Variants in MBNL1 observed in about 807,000 individuals in gnomAD.
MBNL1 encodes muscleblind-like protein 1.
MBNL1 carries 8 observed loss-of-function variants against 42.2 expected under a neutral mutation model. That is an observed-to-expected ratio of 0.19 (90% CI 0.11 to 0.34). MBNL1 has a LOEUF of 0.34. Among genes scored for constraint, MBNL1 ranks in the 10% least tolerant of loss-of-function variants. The pLI is 1.00. For missense variants in MBNL1, 309 were observed against 495.3 expected, an observed-to-expected ratio of 0.62 and a Z score of 3.57; for synonymous variants, 169 against 173.9, an observed-to-expected ratio of 0.97 and a Z score of 0.22.
rs9820183 is a variant in MBNL1, at chr3:152,376,803, C to T, written c.175-38138C>T. ...ATATACGCACACACACACGTGCATG[C>T]GCACACACACACATACACACACACA... On this transcript the variant is annotated intron_variant, in intron 2 of 9. Coordinates refer to ENST00000324210, the MANE Select transcript of MBNL1 (RefSeq NM_021038.5). Among the ~76,000 whole-genome samples the T allele has an allele frequency of 3.4e-3, 524 of 152,184 alleles. 1 individual carries two copies. Among genetic ancestry groups the T allele is most frequent in the Middle Eastern group, 6.8e-3 (2 of 294 alleles).
At position 152,299,409 on chromosome 3, in the gene MBNL1, G is replaced by A; in HGVS notation, c.-785G>A. The A allele has an allele frequency of 3.2e-6, 1 of 317,380 alleles. No homozygotes were observed. Among genetic ancestry groups the A allele is most frequent in the Non-Finnish European group, 5.7e-6 (1 of 175,054 alleles). 19.7% of individuals were successfully genotyped at this position (317,380 alleles called of 1,614,324 possible). On this transcript the variant is annotated 5_prime_UTR_variant, in exon 2 of 10. Transcript: ENST00000324210. ...ACCTATCTCTTTTTTCTACAGGTTG[G>A]TACTAAGAAGTGCCTTTCCTGACGT... is the stretch of plus-strand genomic sequence containing the variant.
chr3:152,396,755 G>T (rs1412844648), intron 2 of MBNL1, among the ~76,000 whole-genome samples: 2 of 152,042 alleles, frequency 1.3e-5, no homozygotes, highest in Non-Finnish European at 2.9e-5. Context: ...TTGGTAGGTT[G>T]TCAGATAACA....
rs528362746 is a variant in MBNL1, at chr3:152,459,784, T to C, written c.*18+439T>C. ...ACAAATGGGTGTAGCTGTGTTCCAG[T>C]AAAACTTTATTTACAAAAACAGGCA... On this transcript the variant is annotated intron_variant, in intron 9 of 9. Coordinates refer to ENST00000324210, the MANE Select transcript of MBNL1 (RefSeq NM_021038.5). Among the ~76,000 whole-genome samples the C allele has an allele frequency of 4.0e-5, 6 of 151,726 alleles. No individual in the cohort carries two copies. The South Asian group carries it at 1.2e-3, about 32-fold the overall frequency.
At chr3:152,341,149 T>C (rs1340402542) in intron 2 of MBNL1, among the ~76,000 whole-genome samples, 1 of 152,252 alleles carries the variant, frequency 6.6e-6, no homozygotes, top group African/African-American at 2.4e-5. Context: ...TTCTTTCATA[T>C]ATAAAAACAG....
chr3:152,273,926 C>T (rs1445916804), intron 1 of MBNL1, among the ~76,000 whole-genome samples: 4 of 152,056 alleles, frequency 2.6e-5, no homozygotes, highest in Non-Finnish European at 5.9e-5. Context: ...TATAACTTTC[C>T]CCAAGACAAT....
At chr3:152,371,496 C>G (rs994095943) in intron 2 of MBNL1, among the ~76,000 whole-genome samples, 2 of 152,150 alleles carry the variant, frequency 1.3e-5, no homozygotes, top group African/African-American at 4.8e-5. Context: ...ACTTGGGAGG[C>G]TGAGGCAGGA....
intron 1 of MBNL1, among the ~76,000 whole-genome samples, chr3:152,276,974 A>C (rs978488441): frequency 2.6e-5 from 4 of 152,180 alleles, no homozygotes; most frequent in African/African-American, 9.7e-5. Context: ...AGGATGTACC[A>C]GCTGACTGGA....
At position 152,464,536 on chromosome 3, in the gene MBNL1, A is replaced by G. The variant is rs888130766; in HGVS notation, c.*2170A>G. ...TTTATTTTGTTTGTAATTAGTTATT[A>G]TAAGAAGATCTAGATCCTAGATATT... On this transcript the variant is annotated 3_prime_UTR_variant, in exon 10 of 10. Coordinates refer to ENST00000324210, the MANE Select transcript of MBNL1 (RefSeq NM_021038.5). 1.3e-5 allele frequency: 2 copies of G among 152,620 alleles called. No homozygotes were observed. Among genetic ancestry groups the G allele is most frequent in the African/African-American group, 4.8e-5 (2 of 41,460 alleles). 9.5% of individuals were successfully genotyped at this position (152,620 alleles called of 1,614,324 possible).
At chr3:152,382,971 G>C (rs1428934329) in intron 2 of MBNL1, among the ~76,000 whole-genome samples, 3 of 152,014 alleles carry the variant, frequency 2.0e-5, no homozygotes, top group African/African-American at 4.8e-5. Flanking sequence ...TTTTCTTCCA[G>C]CTCAAAACCA....
intron 2 of MBNL1, among the ~76,000 whole-genome samples, chr3:152,342,609 A>G (rs188748700): frequency 6.6e-6 from 1 of 150,824 alleles, no homozygotes. Flanking sequence ...AACAGGACCT[A>G]CAAAGCAAAA....
intron 5 of MBNL1, 50 bp from the exon 6 acceptor site, chr3:152,447,568 TTC>T: frequency 6.6e-7 from 1 of 1,521,058 alleles, no homozygotes; most frequent in African/African-American, 1.4e-5. Context: ...TTTTTCTTTT[TTC>T]TTTTTCTCTT....
rs10564035 is a variant in MBNL1, at chr3:152,296,672, T to TTGTGTGTG, written c.-789-2711_-789-2704dup. ...ACATAATAATTTATAGAGGCAATGA[T>TTGTGTGTG]TGTGTGTGTGTGTGTGTGTGTGTGT... On this transcript the variant is annotated intron_variant, in intron 1 of 9. Transcript: ENST00000324210. 8.3e-3 allele frequency among the ~76,000 whole-genome samples: 1,233 copies of TTGTGTGTG among 148,594 alleles called. 3 individuals carry two copies. The highest frequency in any genetic ancestry group is 0.013 in the Non-Finnish European group (868 of 67,186).
chr3:152,334,942 G>A (rs1040647879), intron 2 of MBNL1, among the ~76,000 whole-genome samples: 8 of 152,188 alleles, frequency 5.3e-5, no homozygotes, highest in African/African-American at 1.9e-4. Flanking sequence ...AAAAGGTGCA[G>A]ACGTACGGGC....
At chr3:152,317,179 T>G (rs1436103124) in intron 2 of MBNL1, among the ~76,000 whole-genome samples, 3 of 152,164 alleles carry the variant, frequency 2.0e-5, no homozygotes, top group Non-Finnish European at 4.4e-5. Flanking sequence ...TTAACTTCCT[T>G]TATTAATGAC....
intron 2 of MBNL1, among the ~76,000 whole-genome samples, chr3:152,397,653 A>C (rs1397914606): frequency 6.6e-6 from 1 of 152,176 alleles, no homozygotes; most frequent in African/African-American, 2.4e-5. Flanking sequence ...ACTTGAATCT[A>C]TTTAAAGTAT....
intron 4 of MBNL1, among the ~76,000 whole-genome samples, chr3:152,435,070 T>C (rs1020302384): frequency 1.3e-5 from 2 of 152,204 alleles, no homozygotes; most frequent in Non-Finnish European, 2.9e-5. Flanking sequence ...ATTTTTTTTT[T>C]TCGTTGCGAT....
At chr3:152,245,601 A>G (rs1031047558) in intron 2 of MBNL1, among the ~76,000 whole-genome samples, 1 of 152,220 alleles carries the variant, frequency 6.6e-6, no homozygotes, top group African/African-American at 2.4e-5. Context: ...AGTCCACACT[A>G]TCCCATCAAT....
intron 2 of MBNL1, among the ~76,000 whole-genome samples, chr3:152,410,699 A>C (rs2098545903): frequency 6.6e-6 from 1 of 152,240 alleles, no homozygotes; most frequent in African/African-American, 2.4e-5. Flanking sequence ...CCTGCTAGTC[A>C]GCAGGACAGC....
At position 152,456,456 on chromosome 3, in the gene MBNL1, G is replaced by A. The variant is rs1733937167; in HGVS notation, c.1092+95G>A. 9 of 1,008,778 alleles carry A rather than the reference G, an allele frequency of 8.9e-6. No individual in the cohort carries two copies. In the South Asian group the frequency reaches 9.0e-5, roughly 10 times the overall value. 62.5% of individuals were successfully genotyped at this position (1,008,778 alleles called of 1,614,324 possible). A position where few individuals can be genotyped will look rare whatever the true frequency, so the allele number is the denominator to read the frequency against. On this transcript the variant is annotated intron_variant, in intron 8 of 9. Transcript: ENST00000324210. ...ACGTGGATTTCCCATTGAGGTCAGTGGGAATCGTGTGTACGTGAGGGCTGT... is the reference window on the plus strand; with the variant it reads ...ACGTGGATTTCCCATTGAGGTCAGTAGGAATCGTGTGTACGTGAGGGCTGT...
Sources: gnomAD v4.1 joint callset for allele counts (sites outside exome capture counted in the v4.1 genomes callset) on GRCh38, gnomAD v4.1.1 for gene constraint, MANE v1.5 for transcripts, NCBI Gene and HGNC (gene_info 2026-07-23, HGNC 2026-07-21) for gene names.